The following TTC24 variants were observed in gnomAD, a reference collection of about 807,000 sequenced individuals.
TTC24 encodes tetratricopeptide repeat protein 24.
TTC24 carries 54 observed loss-of-function variants against 63.3 expected under a neutral mutation model. That is an observed-to-expected ratio of 0.85 (90% CI 0.69 to 1.07). The LOEUF is 1.07. TTC24 is among the 50% of genes least tolerant of loss of function. The probability of loss-of-function intolerance (pLI) is 0.00; values close to 1 mark genes in which losing one functional copy is unlikely to be tolerated. For synonymous variants in TTC24, 276 were observed against 304.3 expected (o/e 0.91, Z 0.97); for missense variants, 680 against 730.5 (o/e 0.93, Z 0.80).
At chr1:156,584,451 T>A (rs1357385556) in intron 6 of TTC24, 1 of 164,886 alleles carries the variant, frequency 6.1e-6, no homozygotes, top group Non-Finnish European at 1.3e-5. Flanking sequence ...AATATTTATA[T>A]GTATTTAATA....
intron 1 of TTC24, among the ~76,000 whole-genome samples, chr1:156,580,404 A>T (rs1341444614): frequency 6.6e-6 from 1 of 151,816 alleles, no homozygotes; most frequent in Non-Finnish European, 1.5e-5. Flanking sequence ...ATGATGAGTG[A>T]GGGGGGTGTC....
intron 1 of TTC24, among the ~76,000 whole-genome samples, chr1:156,580,363 C>T (rs536865803): frequency 5.3e-5 from 8 of 152,252 alleles, no homozygotes; most frequent in African/African-American, 1.2e-4. Context: ...ACCTGAACTA[C>T]GTCTTGAGAT....
rs550414046 is a variant in TTC24 at position 156,582,480 on chromosome 1, GA to G, written c.910+48del. ...AATGGGACTGGGACTAAGACACTAA[GA>G]AGGGGTTCCAAAAGGGGCCCAAGGC... On this transcript the variant is annotated intron_variant, in intron 3 of 10. Transcript: ENST00000368236. The G allele has an allele frequency of 7.3e-5, 116 of 1,578,424 alleles. 1 individual carries two copies. Among genetic ancestry groups the G allele is most frequent in the Non-Finnish European group, 9.7e-5 (112 of 1,151,520 alleles).
chr1:156,586,618 T>G lies in TTC24; in HGVS notation c.*68T>G. 1 of 1,416,180 alleles carries G rather than the reference T, an allele frequency of 7.1e-7. No homozygotes were observed. The highest frequency in any genetic ancestry group is 2.4e-5 in the East Asian group (1 of 41,596). 87.7% of individuals were successfully genotyped at this position (1,416,180 alleles called of 1,614,324 possible). ...CCAACACGCACACACTAGGGGGTCC[T>G]GGGGACCAAGCCTCTTCCCAGTTGC... On this transcript the variant is annotated 3_prime_UTR_variant, in exon 11 of 11. Coordinates refer to ENST00000368236, the MANE Select transcript of TTC24 (RefSeq NM_001105669.4).
In TTC24 at chr1:156,585,824, A is replaced by C; in HGVS notation, c.1568A>C (p.Tyr523Ser). The change falls in exon 9 of 11, where the codon TAT becomes TCT. Residue 523 changes from tyrosine (Y) to serine (S), a missense_variant and splice_region_variant. Transcript: ENST00000368236. ...ACAGTCCTCGGCAAAGCCTCCATCTATAGTGAGCAGTGCATCCCCTGACAC... is the reference window on the plus strand; with the variant it reads ...ACAGTCCTCGGCAAAGCCTCCATCTCTAGTGAGCAGTGCATCCCCTGACAC... ...RGTVLGKASI[Y>S]SPGPRAHLPF... is the part of the protein sequence containing the mutation. The C allele has an allele frequency of 6.2e-7, 1 of 1,612,310 alleles. No homozygotes were observed. The highest frequency in any genetic ancestry group is 8.5e-7 in the Non-Finnish European group (1 of 1,178,348).
In TTC24 at chr1:156,583,184, G is replaced by A. The variant is rs1235714132; in HGVS notation, c.1039+14G>A. 6.8e-6 allele frequency: 11 copies of A among 1,611,116 alleles called. No individual in the cohort carries two copies. In the South Asian group the frequency reaches 1.1e-4, roughly 16 times the overall value. On this transcript the variant is annotated intron_variant, in intron 4 of 10. Transcript: ENST00000368236. This position sits in a 1 kb window ranked among gnomAD's most constrained non-coding sequence, Gnocchi z 4.0. ...CCCGGGACTCTGGTAAGCGTGAGAG[G>A]GTTGGGATGTGACTGGGACAGTGGG...
Position 156,583,822 on chromosome 1 carries a change from G to T in TTC24, c.1178G>T (p.Arg393Leu). ...AAGGAGCCAGATTCTGTGCGAGAACGGCTGGTGGCCAAGCTGGCAGACACC... is the reference window on the plus strand; with the variant it reads ...AAGGAGCCAGATTCTGTGCGAGAACTGCTGGTGGCCAAGCTGGCAGACACC... ...CQKEPDSVRE[R>L]LVAKLADTVR... Residue 393 changes from arginine (R) to leucine (L), a missense_variant, in exon 6 of 11, where the codon CGG (arginine) becomes CTG (leucine). Transcript: ENST00000368236. The surrounding 1 kb of genome is among the most constrained non-coding windows in gnomAD (Gnocchi z 4.0). 1 of 1,585,990 alleles carries T rather than the reference G, an allele frequency of 6.3e-7. No homozygotes were observed.
chr1:156,585,672 C>T (rs1466982366), intron 8 of TTC24, 41 bp from the exon 9 acceptor site: 10 of 1,423,560 alleles, frequency 7.0e-6, no homozygotes, highest in Non-Finnish European at 9.9e-6. Flanking sequence ...TTCTTTGCTA[C>T]TTGTTGAGCT....
intron 8 of TTC24, 49 bp from the exon 9 acceptor site, chr1:156,585,664 C>A: frequency 7.4e-7 from 1 of 1,348,480 alleles, no homozygotes; most frequent in South Asian, 1.2e-5. Flanking sequence ...GAGCAGAGTT[C>A]TTTGCTACTT....
intron 1 of TTC24, among the ~76,000 whole-genome samples, chr1:156,580,465 G>A (rs945692088): frequency 6.6e-6 from 1 of 151,952 alleles, no homozygotes; most frequent in East Asian, 1.9e-4. Flanking sequence ...CTGCATATGC[G>A]GTTCCTTCAT....
At chr1:156,580,107 A>G (rs935786123) in intron 1 of TTC24, among the ~76,000 whole-genome samples, 2 of 152,212 alleles carry the variant, frequency 1.3e-5, no homozygotes, top group African/African-American at 4.8e-5. Context: ...AGACCAGAGC[A>G]GGAGGCTGGG....
Position 156,582,003 on chromosome 1 carries a change from G to C in TTC24, c.639G>C (p.Gly213=). ...TGAAGAGTGGGCGGCATCGGGTGGG[G>C]GAAGTTGTGCAGGTGCTGGAGAAAA... is the stretch of plus-strand genomic sequence containing the variant. ...CMLKSGRHRV[G]EVVQVLEKSR... The change falls in exon 2 of 11, where the codon GGG becomes GGC. Residue 213 remains glycine, a synonymous_variant. Transcript: ENST00000368236. 1 of 1,501,836 alleles carries C rather than the reference G, an allele frequency of 6.7e-7. No homozygotes were observed. Among genetic ancestry groups the C allele is most frequent in the Non-Finnish European group, 8.9e-7 (1 of 1,127,688 alleles). 93.0% of individuals were successfully genotyped at this position (1,501,836 alleles called of 1,614,324 possible).
At chr1:156,582,117 G>T in intron 2 of TTC24, 47 bp downstream of exon 2, 1 of 1,463,068 alleles carries the variant, frequency 6.8e-7, no homozygotes, top group South Asian at 1.4e-5. Context: ...GAGACACAGA[G>T]CCTGATGATA....
chr1:156,582,276 T>C lies in TTC24; in HGVS notation c.752T>C (p.Leu251Pro), dbSNP rs1253474842. The C allele has an allele frequency of 6.4e-7, 1 of 1,558,670 alleles. No homozygotes were observed. Among genetic ancestry groups the C allele is most frequent in the East Asian group, 2.4e-5 (1 of 41,248 alleles). ...DLGLGYSQLQ[L>P]FPLAVEAFLQ... is the part of the protein sequence containing the mutation. ...GGCCTGGGCTACTCCCAGCTCCAGC[T>C]GTTCCCGCTGGCCGTGGAGGCCTTC... The change falls in exon 3 of 11, where the codon CTG becomes CCG. Residue 251 changes from leucine (L) to proline (P), a missense_variant. Physicochemically the swap from Leu to Pro is moderately conservative, Grantham distance 98. Coordinates refer to ENST00000368236, the MANE Select transcript of TTC24 (RefSeq NM_001105669.4).
chr1:156,580,117 G>A (rs1447886906), intron 1 of TTC24, among the ~76,000 whole-genome samples: 1 of 152,138 alleles, frequency 6.6e-6, no homozygotes, highest in African/African-American at 2.4e-5. Flanking sequence ...AGGAGGCTGG[G>A]GGCCTAGAAC....
intron 3 of TTC24, among the ~76,000 whole-genome samples, 161 bp from the exon 4 acceptor site, chr1:156,582,881 C>A (rs1677040804): frequency 6.6e-6 from 1 of 152,130 alleles, no homozygotes; most frequent in Non-Finnish European, 1.5e-5. Flanking sequence ...AGGATGGGGC[C>A]AGGCTGGGTG....
rs530853279 is a variant in TTC24 at position 156,586,599 on chromosome 1, C to A, written c.*49C>A. 2 of 1,531,784 alleles carry A rather than the reference C, an allele frequency of 1.3e-6. No homozygotes were observed. The highest frequency in any genetic ancestry group is 1.2e-5 in the South Asian group (1 of 86,558). The allele number at this position is 1,531,784 out of a possible 1,614,324, so 94.9% of individuals were successfully genotyped here. ...TCATCCCTGAAGCACCTGTCCAACACGCACACACTAGGGGGTCCTGGGGAC... is the reference window on the plus strand; with the variant it reads ...TCATCCCTGAAGCACCTGTCCAACAAGCACACACTAGGGGGTCCTGGGGAC... On this transcript the variant is annotated 3_prime_UTR_variant, in exon 11 of 11. Transcript: ENST00000368236.
In TTC24 at chr1:156,583,426, T is replaced by C. The variant is rs759116531; in HGVS notation, c.1128T>C (p.Tyr376=). The change falls in exon 5 of 11, where the codon TAT becomes TAC. Residue 376 remains tyrosine, a synonymous_variant. Transcript: ENST00000368236. This position sits in a 1 kb window ranked among gnomAD's most constrained non-coding sequence, Gnocchi z 4.0. The part of the protein sequence containing the change: ...LGQYDQALKY[Y]KEALAQCQKE... ...AGTATGACCAGGCCTTGAAGTACTA[T>C]AAGGAAGCACTGGCCCAGTGTCAGG... The C allele has an allele frequency of 1.2e-6, 2 of 1,607,892 alleles. No individual in the cohort carries two copies. The highest frequency in any genetic ancestry group is 1.7e-6 in the Non-Finnish European group (2 of 1,178,068).
rs999252179 is a variant in TTC24 at position 156,582,338 on chromosome 1, C to T, written c.814C>T (p.Gln272Ter). The T allele has an allele frequency of 8.1e-6, 13 of 1,608,958 alleles. No individual in the cohort carries two copies. In the African/African-American group the frequency reaches 1.7e-4, roughly 22 times the overall value. ...ALPLCWVPGE[Q>*]ATVLRNLGMA... ...GCCCCTGTGCTGGGTGCCAGGAGAGCAGGCCACAGTGCTAAGAAACCTCGG... is the reference window on the plus strand; with the variant it reads ...GCCCCTGTGCTGGGTGCCAGGAGAGTAGGCCACAGTGCTAAGAAACCTCGG... Residue 272 changes from glutamine to a stop codon, truncating the protein, a stop_gained, in exon 3 of 11, where the codon CAG becomes TAG. Coordinates refer to ENST00000368236, the MANE Select transcript of TTC24 (RefSeq NM_001105669.4). LOFTEE classifies it high-confidence loss of function.
Sources: gnomAD v4.1 joint callset for allele counts (sites outside exome capture counted in the v4.1 genomes callset) on GRCh38, gnomAD v4.1.1 for gene constraint, Gnocchi (gnomAD v3.1) non-coding constraint, MANE v1.5 for transcripts, NCBI Gene and HGNC (gene_info 2026-07-23, HGNC 2026-07-21) for gene names.